The following ELAPOR2 variants were observed in gnomAD, a reference collection of about 807,000 sequenced individuals.
The protein encoded by ELAPOR2 is endosome-lysosome associated apoptosis and autophagy regulator family member 2.
In ELAPOR2, 89 loss-of-function variants were observed where a neutral mutation model predicts 120.7. The ratio of observed to expected loss-of-function variants is 0.74; its 90% CI spans 0.62 to 0.88. The LOEUF (loss-of-function observed/expected upper bound fraction) is 0.88. Ranked by LOEUF, ELAPOR2 falls within the 40% of genes least tolerant of loss-of-function variation. The probability of loss-of-function intolerance (pLI) is 0.00; values close to 1 mark genes in which losing one functional copy is unlikely to be tolerated. For missense variants in ELAPOR2, 1,134 were observed against 1,251.6 expected (o/e 0.91, Z 1.42); for synonymous variants, 444 against 444.9 (o/e 1.00, Z 0.03).
chr7:86,912,635 A>G (rs996349922), intron 14 of ELAPOR2, among the ~76,000 whole-genome samples: 5 of 152,216 alleles, frequency 3.3e-5, no homozygotes, highest in Non-Finnish European at 7.3e-5. Flanking sequence ...TGCTATAGCC[A>G]GCCTATAGAT....
chr7:87,043,615 A>C (rs1794853934), intron 1 of ELAPOR2, among the ~76,000 whole-genome samples: 1 of 146,024 alleles, frequency 6.8e-6, no homozygotes, highest in Admixed American at 6.9e-5. Flanking sequence ...CGTATTTCAA[A>C]ATAATAAGAG....
At chr7:87,030,524 T>A (rs1794391209) in intron 1 of ELAPOR2, among the ~76,000 whole-genome samples, 1 of 152,170 alleles carries the variant, frequency 6.6e-6, no homozygotes, top group African/African-American at 2.4e-5. Context: ...TAAACTGAAT[T>A]AAGTTTGGCC....
At chr7:86,969,684 A>G (rs1199431526) in intron 1 of ELAPOR2, among the ~76,000 whole-genome samples, 12 of 152,232 alleles carry the variant, frequency 7.9e-5, no homozygotes, top group Non-Finnish European at 1.5e-4. Context: ...GAACAGTGAC[A>G]TCACAAGTCA....
At chr7:86,986,408 G>A (rs1350629828) in intron 1 of ELAPOR2, among the ~76,000 whole-genome samples, 1 of 108,430 alleles carries the variant, frequency 9.2e-6, no homozygotes, top group South Asian at 2.6e-4. Context: ...CAGCCTGGGC[G>A]ACAGAGCGAG....
chr7:86,930,448 T>C (rs573130047), intron 8 of ELAPOR2, among the ~76,000 whole-genome samples: 1 of 152,104 alleles, frequency 6.6e-6, no homozygotes, highest in South Asian at 2.1e-4. Flanking sequence ...AAAAACTGAA[T>C]CCCTTTATAC....
chr7:86,911,993 T>G, intron 15 of ELAPOR2, 79 bp downstream of exon 15: 1 of 1,347,098 alleles, frequency 7.4e-7, no homozygotes, highest in Middle Eastern at 1.9e-4. Flanking sequence ...AGAGAATTTA[T>G]TGGTCCATTA....
intron 1 of ELAPOR2, among the ~76,000 whole-genome samples, chr7:87,038,668 A>ACAATATGC (rs1794663050): frequency 6.6e-6 from 1 of 152,164 alleles, no homozygotes; most frequent in African/African-American, 2.4e-5. Flanking sequence ...TGAAAATTAA[A>ACAATATGC]CAATATGCTC....
chr7:86,955,291 C>T (rs941983019), intron 2 of ELAPOR2, among the ~76,000 whole-genome samples: 2 of 152,070 alleles, frequency 1.3e-5, no homozygotes, highest in African/African-American at 2.4e-5. Context: ...TCAAACAGTA[C>T]ATTAAAACAG....
chr7:86,983,012 A>G (rs1038671692), intron 1 of ELAPOR2, among the ~76,000 whole-genome samples: 11 of 152,206 alleles, frequency 7.2e-5, no homozygotes, highest in Non-Finnish European at 1.5e-4. Context: ...GGAGCTGAAA[A>G]CCATGGCACG....
At chr7:87,008,002 C>G (rs10242932) in intron 1 of ELAPOR2, among the ~76,000 whole-genome samples, 1 of 151,810 alleles carries the variant, frequency 6.6e-6, no homozygotes, top group Non-Finnish European at 1.5e-5. Flanking sequence ...TAATGAGGAC[C>G]GGGATATTTA....
At chr7:86,944,867 A>G (rs761881651) in intron 4 of ELAPOR2, 32 bp downstream of exon 4, 25 of 1,503,064 alleles carry the variant, frequency 1.7e-5, no homozygotes, top group Non-Finnish European at 1.9e-5. Flanking sequence ...ATGTCCCTTA[A>G]AAAGTAAATT....
At chr7:87,052,969 T>A (rs1008486808) in intron 1 of ELAPOR2, among the ~76,000 whole-genome samples, 11 of 152,040 alleles carry the variant, frequency 7.2e-5, no homozygotes, top group African/African-American at 2.7e-4. Context: ...GCTGATTTTT[T>A]TATTTTTTTG....
rs367997628 is a variant in ELAPOR2, at chr7:86,983,227, T to G, written c.190-18203A>C. On this transcript the variant is annotated intron_variant, in intron 1 of 21. Coordinates refer to ENST00000450689, the MANE Select transcript of ELAPOR2 (RefSeq NM_001142749.3). ...TACATTTGATTGGTGTACCTGAAAGTGACGGGCAGAATGGAACCAAGTTGG... is the reference window on the plus strand; with the variant it reads ...TACATTTGATTGGTGTACCTGAAAGGGACGGGCAGAATGGAACCAAGTTGG... 4.6e-5 allele frequency among the ~76,000 whole-genome samples: 7 copies of G among 152,340 alleles called. No homozygotes were observed. In the East Asian group the frequency reaches 7.7e-4, roughly 17 times the overall value.
intron 1 of ELAPOR2, among the ~76,000 whole-genome samples, chr7:87,030,972 A>C (rs577144049): frequency 6.6e-6 from 1 of 152,358 alleles, no homozygotes; most frequent in African/African-American, 2.4e-5. Flanking sequence ...ACAAGAGAGA[A>C]TGAGAGTCAA....
At chr7:86,891,404 A>G (rs1307314942) in intron 21 of ELAPOR2, 2 of 200,252 alleles carry the variant, frequency 1.0e-5, no homozygotes, top group African/African-American at 4.6e-5. Flanking sequence ...ATTTGTTTTC[A>G]CTCTATCTTG....
chr7:87,045,791 A>AAAG lies in ELAPOR2; in HGVS notation c.189+13531_189+13533dup, dbSNP rs553749532. ...AAATAAATAAAAAATATATATAAAA[A>AAAG]AAGGAACATACCTCAACGTAATAAA... is the stretch of plus-strand genomic sequence containing the variant. On this transcript the variant is annotated intron_variant, in intron 1 of 21. Transcript: ENST00000450689. Among the ~76,000 whole-genome samples the AAAG allele has an allele frequency of 8.0e-3, 1,208 of 151,666 alleles. 17 individuals are homozygous for AAAG. Among genetic ancestry groups the AAAG allele is most frequent in the African/African-American group, 0.028 (1,163 of 41,476 alleles).
intron 1 of ELAPOR2, among the ~76,000 whole-genome samples, chr7:86,993,245 A>G (rs1162721855): frequency 4.7e-5 from 7 of 150,244 alleles, no homozygotes; most frequent in Non-Finnish European, 8.9e-5. Flanking sequence ...AAAAAAAAAA[A>G]AAAAAGAAAA....
chr7:86,940,477 C>G (rs1008482492), intron 5 of ELAPOR2, among the ~76,000 whole-genome samples: 1 of 151,940 alleles, frequency 6.6e-6, no homozygotes, highest in African/African-American at 2.4e-5. Context: ...TAAGTTGCCA[C>G]TATTTATAAG....
intron 3 of ELAPOR2, among the ~76,000 whole-genome samples, 178 bp from the exon 4 acceptor site, chr7:86,945,224 G>C (rs1430793778): frequency 6.6e-6 from 1 of 152,124 alleles, no homozygotes; most frequent in African/African-American, 2.4e-5. Flanking sequence ...ATTTCTTATG[G>C]CAAATAACTT....
Sources: allele counts gnomAD v4.1 joint callset (sites outside exome capture counted in the v4.1 genomes callset), GRCh38; gene constraint gnomAD v4.1.1; transcripts MANE v1.5; gene names NCBI Gene and HGNC (gene_info 2026-07-23, HGNC 2026-07-21).